CELF4: variants seen among roughly 807,000 people sequenced by gnomAD.
The protein encoded by CELF4 is CUGBP Elav-like family member 4, also known as CUG-BP- and ETR-3-like factor 4.
A neutral mutation model predicts 59.9 loss-of-function variants in CELF4; 18 were observed. The ratio of observed to expected loss-of-function variants is 0.30; its 90% CI spans 0.21 to 0.45. The LOEUF is 0.45. CELF4 is among the 20% of genes least tolerant of loss of function. CELF4 has a pLI of 1.00. For missense variants in CELF4, 456 were observed against 689.0 expected (o/e 0.66, Z 3.79); for synonymous variants, 261 against 267.1 (o/e 0.98, Z 0.22).
chr18:37,498,489 G>A (rs960592215), intron 1 of CELF4, among the ~76,000 whole-genome samples: 1 of 115,646 alleles, frequency 8.6e-6, no homozygotes, highest in African/African-American at 3.4e-5. Context: ...TCTTCTTTAT[G>A]TCCTTTCCAT....
chr18:37,250,484 C>A (rs986119947), intron 12 of CELF4, among the ~76,000 whole-genome samples: 8 of 152,208 alleles, frequency 5.3e-5, no homozygotes. Flanking sequence ...CACCATGGGG[C>A]AGCTGCCCTA....
At chr18:37,378,477 C>T (rs1054611290) in intron 2 of CELF4, among the ~76,000 whole-genome samples, 1 of 152,068 alleles carries the variant, frequency 6.6e-6, no homozygotes, top group African/African-American at 2.4e-5. Flanking sequence ...TAAAATGCCC[C>T]GAAAAGCAGA....
intron 3 of CELF4, among the ~76,000 whole-genome samples, chr18:37,292,283 T>C (rs1350948618): frequency 6.6e-6 from 1 of 152,230 alleles, no homozygotes; most frequent in African/African-American, 2.4e-5. Flanking sequence ...TAATGGTGGA[T>C]ACTGCATCAA....
At chr18:37,328,109 GC>G (rs2097389571) in intron 2 of CELF4, among the ~76,000 whole-genome samples, 1 of 152,176 alleles carries the variant, frequency 6.6e-6, no homozygotes, top group Non-Finnish European at 1.5e-5. Context: ...GGAGATCAGG[GC>G]CCCTACTCAT....
At chr18:37,512,084 G>C (rs1014833344) in intron 1 of CELF4, among the ~76,000 whole-genome samples, 5 of 152,202 alleles carry the variant, frequency 3.3e-5, no homozygotes, top group Non-Finnish European at 7.3e-5. Context: ...AGCAGTCTGG[G>C]GCCCAGTGCT....
At chr18:37,397,662 C>A (rs1036185659) in intron 2 of CELF4, among the ~76,000 whole-genome samples, 1 of 152,218 alleles carries the variant, frequency 6.6e-6, no homozygotes, top group Non-Finnish European at 1.5e-5. Context: ...GGTGGGCAAA[C>A]CATGCCTGAC....
In CELF4 at chr18:37,556,126, G is replaced by A. The variant is rs112398355; in HGVS notation, c.286+9230C>T. Among the ~76,000 whole-genome samples, 1,298 of 152,238 alleles carry A rather than the reference G, an allele frequency of 8.5e-3. 10 individuals carry two copies. Among genetic ancestry groups the A allele is most frequent in the African/African-American group, 0.029 (1,218 of 41,514 alleles). ...ATGCCTCTTGTCTCCGAGGACTTGC[G>A]CAAGGAGGCTTGGCTTTATAAGGAT... On this transcript the variant is annotated intron_variant, in intron 1 of 12. Coordinates refer to ENST00000420428, the MANE Select transcript of CELF4 (RefSeq NM_020180.4).
intron 2 of CELF4, among the ~76,000 whole-genome samples, chr18:37,336,746 C>T (rs2097782908): frequency 6.6e-6 from 1 of 152,214 alleles, no homozygotes; most frequent in Non-Finnish European, 1.5e-5. Flanking sequence ...CTGAAGCTGG[C>T]CAGCGTGCGT....
chr18:37,259,554 G>A (rs751203992), intron 10 of CELF4, among the ~76,000 whole-genome samples: 1 of 152,152 alleles, frequency 6.6e-6, no homozygotes, highest in East Asian at 1.9e-4. Flanking sequence ...AAACCCTAGG[G>A]CTCCAGAGGC....
chr18:37,259,332 A>C, intron 10 of CELF4, 68 bp from the exon 11 acceptor site: 2 of 493,236 alleles, frequency 4.1e-6, no homozygotes, highest in Non-Finnish European at 6.3e-6. Flanking sequence ...GAGACAGAGG[A>C]GAGGTGAGCG....
intron 2 of CELF4, among the ~76,000 whole-genome samples, chr18:37,430,161 T>G (rs1388397140): frequency 6.6e-6 from 1 of 152,116 alleles, no homozygotes; most frequent in African/African-American, 2.4e-5. Context: ...CTGAGCTGAC[T>G]TTGTGGGCAG....
At chr18:37,377,821 A>T (rs987075753) in intron 2 of CELF4, among the ~76,000 whole-genome samples, 1 of 152,090 alleles carries the variant, frequency 6.6e-6, no homozygotes, top group African/African-American at 2.4e-5. Context: ...GGCTGATGCC[A>T]CTGGAGGAAA....
intron 9 of CELF4, among the ~76,000 whole-genome samples, chr18:37,265,573 C>T (rs2077141106): frequency 6.6e-6 from 1 of 152,122 alleles, no homozygotes; most frequent in Non-Finnish European, 1.5e-5. Flanking sequence ...AGGGGGTAGT[C>T]CCCAGGGGCA....
rs530599741 is a variant in CELF4 at position 37,272,991 on chromosome 18, C to T, written c.949+25G>A. ...CAGCTGTTCTCCCACCGGGCCAGAC[C>T]GCGTGTTGGCACCTGCCAGCTCACC... On this transcript the variant is annotated intron_variant, in intron 7 of 12. Transcript: ENST00000420428. 1.3e-5 allele frequency: 20 copies of T among 1,593,920 alleles called. No homozygotes were observed. In the East Asian group the frequency reaches 1.6e-4, roughly 13 times the overall value.
chr18:37,262,106 T>C (rs2074961266), intron 10 of CELF4, among the ~76,000 whole-genome samples: 2 of 152,190 alleles, frequency 1.3e-5, no homozygotes, highest in South Asian at 4.1e-4. Context: ...TGCCTGGACC[T>C]CCTGCCTCCC....
At chr18:37,495,378 T>C (rs559869069) in intron 1 of CELF4, among the ~76,000 whole-genome samples, 51 of 152,158 alleles carry the variant, frequency 3.4e-4, no homozygotes, top group Non-Finnish European at 6.2e-4. Context: ...CTTCTGAGCC[T>C]CTGCCTCACT....
intron 3 of CELF4, among the ~76,000 whole-genome samples, chr18:37,311,108 T>C (rs611569): frequency 0.037 from 5,652 of 152,248 alleles, 260 homozygotes; most frequent in African/African-American, 0.099. Flanking sequence ...CACAGGGAAT[T>C]TGTCGAGGAG....
intron 3 of CELF4, among the ~76,000 whole-genome samples, chr18:37,319,806 G>A (rs2097026947): frequency 6.6e-6 from 1 of 152,228 alleles, no homozygotes; most frequent in African/African-American, 2.4e-5. Context: ...ACTGGGCCTG[G>A]GCCTGGGCCT....
chr18:37,426,756 G>A (rs529661079), intron 2 of CELF4, among the ~76,000 whole-genome samples: 133 of 152,252 alleles, frequency 8.7e-4, no homozygotes, highest in African/African-American at 3.0e-3. Context: ...AATTTGCCAG[G>A]CCATGTTGCG....
Sources: allele counts gnomAD v4.1 joint callset (sites outside exome capture counted in the v4.1 genomes callset), GRCh38; gene constraint gnomAD v4.1.1; transcripts MANE v1.5; gene names NCBI Gene and HGNC (gene_info 2026-07-23, HGNC 2026-07-21).